Variants in TTC27 observed in about 807,000 individuals in gnomAD.
The protein encoded by TTC27 is tetratricopeptide repeat protein 27.
A neutral mutation model predicts 115.9 loss-of-function variants in TTC27; 79 were observed. The observed-to-expected ratio is 0.68, with a 90% CI of 0.57 to 0.82. TTC27 has a LOEUF of 0.82. Among genes scored for constraint, TTC27 ranks in the 40% least tolerant of loss-of-function variants. TTC27 has a pLI of 0.00. For missense variants in TTC27, 1,054 were observed against 993.1 expected (o/e 1.06, Z -0.82); for synonymous variants, 401 against 356.0 (o/e 1.13, Z -1.42).
chr2:32,751,938 A>G (rs1368693814), intron 12 of TTC27, among the ~76,000 whole-genome samples: 2 of 152,184 alleles, frequency 1.3e-5, no homozygotes, highest in Non-Finnish European at 1.5e-5. Flanking sequence ...TTAATGTTAT[A>G]CATATCAAGT....
intron 13 of TTC27, among the ~76,000 whole-genome samples, chr2:32,776,736 G>A (rs533485870): frequency 1.3e-5 from 2 of 152,268 alleles, no homozygotes; most frequent in East Asian, 3.9e-4. Context: ...AGCTTCCCGA[G>A]TAGCTGGGAT....
chr2:32,800,578 A>C (rs1670889131), intron 16 of TTC27, among the ~76,000 whole-genome samples: 1 of 151,950 alleles, frequency 6.6e-6, no homozygotes, highest in Non-Finnish European at 1.5e-5. Context: ...GCTCTCTGCA[A>C]CCTTCGCCAC....
intron 3 of TTC27, among the ~76,000 whole-genome samples, chr2:32,634,399 G>A (rs755032172): frequency 6.6e-5 from 10 of 151,318 alleles, no homozygotes; most frequent in Non-Finnish European, 1.5e-4. Flanking sequence ...AGGCTCAGGC[G>A]ATCTTCCCAC....
chr2:32,818,879 A>AAATAATT (rs1671592950), intron 19 of TTC27, among the ~76,000 whole-genome samples: 1 of 152,074 alleles, frequency 6.6e-6, no homozygotes, highest in Middle Eastern at 3.2e-3. Flanking sequence ...TTGCCTCTTT[A>AAATAATT]AATAATTAAC....
chr2:32,643,001 G>T (rs1472562025), intron 4 of TTC27, among the ~76,000 whole-genome samples: 2 of 151,988 alleles, frequency 1.3e-5, no homozygotes, highest in East Asian at 1.9e-4. Context: ...ACAGCGTCTT[G>T]CTCTGTCGCC....
intron 17 of TTC27, 102 bp from the exon 18 acceptor site, chr2:32,812,402 G>A: frequency 1.2e-6 from 1 of 846,688 alleles, no homozygotes; most frequent in South Asian, 1.5e-5. Flanking sequence ...CACAGATGCT[G>A]CTTTTTCACA....
At chr2:32,714,288 A>T (rs943163210) in intron 10 of TTC27, among the ~76,000 whole-genome samples, 2 of 151,472 alleles carry the variant, frequency 1.3e-5, no homozygotes, top group African/African-American at 4.9e-5. Flanking sequence ...TCTCCCGAGT[A>T]TCTGGCACTA....
intron 8 of TTC27, 99 bp from the exon 9 acceptor site, chr2:32,678,757 A>G (rs935141567): frequency 1.7e-5 from 14 of 829,880 alleles, no homozygotes; most frequent in East Asian, 1.1e-4. Context: ...GCTTTCAAAT[A>G]TATAAAATAT....
intron 7 of TTC27, among the ~76,000 whole-genome samples, chr2:32,668,815 C>G (rs1037827297): frequency 3.3e-5 from 5 of 149,916 alleles, no homozygotes; most frequent in African/African-American, 1.2e-4. Context: ...CGTGGTGGCT[C>G]ACGCCTGTAA....
chr2:32,689,907 G>T (rs1666755846), intron 9 of TTC27, among the ~76,000 whole-genome samples: 1 of 152,136 alleles, frequency 6.6e-6, no homozygotes, highest in South Asian at 2.1e-4. Context: ...TAGGTAATTA[G>T]TAGAATTTAT....
intron 16 of TTC27, among the ~76,000 whole-genome samples, chr2:32,791,360 T>C (rs1363631074): frequency 6.6e-6 from 1 of 152,210 alleles, no homozygotes; most frequent in Non-Finnish European, 1.5e-5. Flanking sequence ...TGACATTCAT[T>C]TGTTGTTTAT....
chr2:32,706,132 G>A (rs1667360817), intron 10 of TTC27, among the ~76,000 whole-genome samples: 1 of 133,030 alleles, frequency 7.5e-6, no homozygotes, highest in South Asian at 2.4e-4. Flanking sequence ...ACCCAGACTG[G>A]AGTGCTATGA....
intron 10 of TTC27, chr2:32,705,014 T>G (rs1667318120): frequency 4.5e-6 from 2 of 447,114 alleles, no homozygotes; most frequent in Non-Finnish European, 9.3e-6. Context: ...GTTTGAGTAT[T>G]TGTTCCCTCC....
At chr2:32,789,963 G>A (rs1424266941) in intron 16 of TTC27, among the ~76,000 whole-genome samples, 1 of 141,658 alleles carries the variant, frequency 7.1e-6, no homozygotes, top group African/African-American at 2.6e-5. Context: ...TCTTTCAGGA[G>A]CCTTCCCTAA....
At chr2:32,764,113 T>C (rs890768436) in intron 13 of TTC27, among the ~76,000 whole-genome samples, 3 of 109,230 alleles carry the variant, frequency 2.7e-5, no homozygotes, top group Non-Finnish European at 6.7e-5. Context: ...TTAACACACA[T>C]ACAGTTTTCC....
Position 32,798,713 on chromosome 2 carries a change from A to AAAAAAAAT in TTC27, c.1998+11566_1998+11567insAAAAATAA, listed in dbSNP as rs1368512271. Among the ~76,000 whole-genome samples the AAAAAAAAT allele has an allele frequency of 3.6e-3, 512 of 142,288 alleles. 2 individuals are homozygous for AAAAAAAAT. Among genetic ancestry groups the AAAAAAAAT allele is most frequent in the African/African-American group, 9.6e-3 (354 of 36,838 alleles). 93.3% of individuals were successfully genotyped at this position (142,288 alleles called of 152,430 possible). A position where few individuals can be genotyped will look rare whatever the true frequency, so the allele number is the denominator to read the frequency against. On this transcript the variant is annotated intron_variant, in intron 16 of 19. Coordinates refer to ENST00000317907, the MANE Select transcript of TTC27 (RefSeq NM_017735.5). ...GAGCGAGACTCCAGCTCAAAAAAAA[A>AAAAAAAAT]AATAATAATAATAATAATAATAATA...
chr2:32,766,222 A>G (rs761243551), intron 13 of TTC27, among the ~76,000 whole-genome samples: 16 of 152,186 alleles, frequency 1.1e-4, no homozygotes, highest in Non-Finnish European at 1.6e-4. Flanking sequence ...TTCTGTTTCA[A>G]TACAGGTATA....
chr2:32,655,439 C>T (rs1224314252), intron 5 of TTC27, among the ~76,000 whole-genome samples: 1 of 152,206 alleles, frequency 6.6e-6, no homozygotes, highest in Non-Finnish European at 1.5e-5. Flanking sequence ...AGCCACCATG[C>T]CCAGCCTGAC....
intron 16 of TTC27, among the ~76,000 whole-genome samples, chr2:32,797,603 T>C (rs1229401763): frequency 2.0e-5 from 3 of 152,142 alleles, no homozygotes; most frequent in Non-Finnish European, 4.4e-5. Flanking sequence ...TGTATACACA[T>C]GCTAACTCAA....
Sources: gnomAD v4.1 joint callset for allele counts (sites outside exome capture counted in the v4.1 genomes callset) on GRCh38, gnomAD v4.1.1 for gene constraint, MANE v1.5 for transcripts, NCBI Gene and HGNC (gene_info 2026-07-23, HGNC 2026-07-21) for gene names.